The following LUZP2 variants were observed in gnomAD, a reference collection of about 807,000 sequenced individuals.
LUZP2 encodes leucine zipper protein 2.
In LUZP2, 52 loss-of-function variants were observed where a neutral mutation model predicts 51.6. The ratio of observed to expected loss-of-function variants is 1.01; its 90% CI spans 0.81 to 1.27. The LOEUF (loss-of-function observed/expected upper bound fraction) is 1.27, where lower values mean the gene tolerates loss of function less well. Among genes scored for constraint, LUZP2 ranks in the 50% most tolerant of loss-of-function variants. The pLI is 0.00. For synonymous variants in LUZP2, 154 were observed against 137.3 expected, an observed-to-expected ratio of 1.12 and a Z score of -0.85; for missense variants, 436 against 395.4, an observed-to-expected ratio of 1.10 and a Z score of -0.87.
At chr11:24,999,104 C>G (rs373428879) in intron 9 of LUZP2, among the ~76,000 whole-genome samples, 25 of 152,010 alleles carry the variant, frequency 1.6e-4, no homozygotes, top group African/African-American at 5.6e-4. Flanking sequence ...TAATGATGTT[C>G]AAAATTTCAA....
intron 9 of LUZP2, among the ~76,000 whole-genome samples, chr11:25,047,882 A>G (rs1417752129): frequency 6.6e-6 from 1 of 152,134 alleles, no homozygotes; most frequent in Non-Finnish European, 1.5e-5. Context: ...GCAGTGATAC[A>G]ATCACAGCTC....
chr11:24,731,486 T>G (rs1458372168), intron 2 of LUZP2, among the ~76,000 whole-genome samples: 1 of 151,712 alleles, frequency 6.6e-6, no homozygotes, highest in Non-Finnish European at 1.5e-5. Flanking sequence ...CTCAGGAGAC[T>G]TTTCTGCTGT....
chr11:24,907,931 G>A (rs1431976586), intron 6 of LUZP2, among the ~76,000 whole-genome samples: 2 of 151,804 alleles, frequency 1.3e-5, no homozygotes, highest in African/African-American at 4.8e-5. Flanking sequence ...TATTGTAATA[G>A]GTTCATTGCA....
chr11:24,767,628 T>C (rs968488179), intron 5 of LUZP2, among the ~76,000 whole-genome samples: 4 of 152,234 alleles, frequency 2.6e-5, no homozygotes, highest in African/African-American at 9.6e-5. Flanking sequence ...GTTTTTCATA[T>C]GTTTGCAAAT....
intron 5 of LUZP2, among the ~76,000 whole-genome samples, chr11:24,847,452 T>C (rs1157261582): frequency 6.6e-6 from 1 of 152,150 alleles, no homozygotes; most frequent in East Asian, 1.9e-4. Flanking sequence ...GTCTAATGTT[T>C]TATCATGTCC....
chr11:24,892,913 A>G (rs1256262216), intron 5 of LUZP2: 4 of 152,236 alleles, frequency 2.6e-5, no homozygotes, highest in Admixed American at 1.3e-4. Context: ...AATACTGAAC[A>G]GAATGATGTT....
chr11:24,721,541 A>G (rs1290896363), intron 1 of LUZP2, among the ~76,000 whole-genome samples: 1 of 152,186 alleles, frequency 6.6e-6, no homozygotes, highest in African/African-American at 2.4e-5. Flanking sequence ...ATTCTTGCAG[A>G]AAGTATGATT....
At chr11:24,773,163 T>C (rs778879167) in intron 5 of LUZP2, among the ~76,000 whole-genome samples, 2 of 152,108 alleles carry the variant, frequency 1.3e-5, no homozygotes, top group Non-Finnish European at 2.9e-5. Context: ...AAATTGCTTA[T>C]TTAAATGCAT....
intron 1 of LUZP2, among the ~76,000 whole-genome samples, chr11:24,501,232 C>G (rs896281312): frequency 3.9e-5 from 6 of 152,194 alleles, no homozygotes; most frequent in Admixed American, 3.9e-4. Flanking sequence ...ATTTTGACTT[C>G]TTACATTGCA....
chr11:24,899,171 G>A (rs943495180), intron 5 of LUZP2, among the ~76,000 whole-genome samples: 3 of 151,934 alleles, frequency 2.0e-5, no homozygotes, highest in Admixed American at 6.6e-5. Flanking sequence ...CCTCATCAGG[G>A]ATACCTTTTT....
At chr11:24,614,407 C>T (rs1183347067) in intron 1 of LUZP2, among the ~76,000 whole-genome samples, 1 of 151,970 alleles carries the variant, frequency 6.6e-6, no homozygotes, top group Non-Finnish European at 1.5e-5. Flanking sequence ...ATAATCTTCA[C>T]ACATTTTGAA....
At chr11:24,810,691 A>G (rs1849992899) in intron 5 of LUZP2, among the ~76,000 whole-genome samples, 1 of 152,148 alleles carries the variant, frequency 6.6e-6, no homozygotes, top group Admixed American at 6.5e-5. Context: ...AAAGCAGGGA[A>G]CAAGGAGTTA....
rs79755528 is a variant in LUZP2, at chr11:24,614,817, A to G, written c.63-114352A>G. 3.9e-3 allele frequency among the ~76,000 whole-genome samples: 600 copies of G among 152,022 alleles called. 4 individuals carry two copies. Among genetic ancestry groups the G allele is most frequent in the African/African-American group, 0.014 (564 of 41,498 alleles). On this transcript the variant is annotated intron_variant, in intron 1 of 11. Transcript: ENST00000336930. ...TTTCTTTACCTTTGTACACATTATT[A>G]TTTAAAATCACCTTGTTAATTTGAT...
intron 1 of LUZP2, among the ~76,000 whole-genome samples, chr11:24,728,564 T>G (rs751049821): frequency 1.3e-5 from 2 of 151,946 alleles, no homozygotes; most frequent in Non-Finnish European, 2.9e-5. Flanking sequence ...AAATCTGATC[T>G]TGCCATTTAC....
At chr11:24,554,092 T>C (rs1851798056) in intron 1 of LUZP2, among the ~76,000 whole-genome samples, 2 of 152,190 alleles carry the variant, frequency 1.3e-5, no homozygotes, top group Non-Finnish European at 2.9e-5. Flanking sequence ...GAAAAGCTGA[T>C]GGCTGAGTTT....
chr11:24,833,629 C>T (rs1196015064), intron 5 of LUZP2, among the ~76,000 whole-genome samples: 16 of 151,940 alleles, frequency 1.1e-4, no homozygotes, highest in Non-Finnish European at 1.5e-5. Flanking sequence ...TCAGATTAAT[C>T]GAATCAGAAT....
At chr11:24,830,976 A>G (rs1850685409) in intron 5 of LUZP2, among the ~76,000 whole-genome samples, 1 of 152,004 alleles carries the variant, frequency 6.6e-6, no homozygotes, top group Admixed American at 6.5e-5. Context: ...TCTGGGAGAC[A>G]GAGAGAGACT....
chr11:24,989,872 G>A (rs1389151828), intron 9 of LUZP2, among the ~76,000 whole-genome samples: 1 of 151,742 alleles, frequency 6.6e-6, no homozygotes, highest in Non-Finnish European at 1.5e-5. Context: ...AAATCAGGTT[G>A]TTTTTTTTCT....
chr11:24,912,226 T>C (rs1853656640), intron 6 of LUZP2, among the ~76,000 whole-genome samples: 1 of 151,778 alleles, frequency 6.6e-6, no homozygotes, highest in South Asian at 2.1e-4. Context: ...TCTCCTTCTC[T>C]TCCTGTCTCC....
Sources: gnomAD v4.1 joint callset for allele counts (sites outside exome capture counted in the v4.1 genomes callset) on GRCh38, gnomAD v4.1.1 for gene constraint, MANE v1.5 for transcripts, NCBI Gene and HGNC (gene_info 2026-07-23, HGNC 2026-07-21) for gene names.